SOX5: variants seen among roughly 807,000 people sequenced by gnomAD.
SOX5 encodes transcription factor SOX-5.
A neutral mutation model predicts 92.0 loss-of-function variants in SOX5; 9 were observed. That is an observed-to-expected ratio of 0.10 (90% CI 0.06 to 0.17). SOX5 has a LOEUF of 0.17. Ranked by LOEUF, SOX5 falls within the 10% of genes least tolerant of loss-of-function variation. The pLI is 1.00. For synonymous variants in SOX5, 344 were observed against 336.3 expected, an observed-to-expected ratio of 1.02 and a Z score of -0.25; for missense variants, 642 against 944.5, an observed-to-expected ratio of 0.68 and a Z score of 4.20.
chr12:24,267,036 T>C (rs956639336), intron 3 of SOX5, among the ~76,000 whole-genome samples: 1 of 152,178 alleles, frequency 6.6e-6, no homozygotes, highest in Non-Finnish European at 1.5e-5. Context: ...AATTGTAACG[T>C]TTTTCTAAAT....
At chr12:24,403,473 G>C (rs187286803) in intron 1 of SOX5, among the ~76,000 whole-genome samples, 1 of 152,140 alleles carries the variant, frequency 6.6e-6, no homozygotes, top group African/African-American at 2.4e-5. Context: ...ATACCAAAAA[G>C]CTAGTTTTGT....
intron 3 of SOX5, among the ~76,000 whole-genome samples, chr12:24,218,604 C>T (rs2139765827): frequency 6.6e-6 from 1 of 152,182 alleles, no homozygotes; most frequent in South Asian, 2.1e-4. Context: ...TTGACATGAA[C>T]ACTTGGAATG....
chr12:24,029,276 T>G (rs1955221982), intron 4 of SOX5, among the ~76,000 whole-genome samples: 1 of 151,914 alleles, frequency 6.6e-6, no homozygotes, highest in Non-Finnish European at 1.5e-5. Context: ...TTTTATTTAT[T>G]TATTACTTAT....
chr12:23,886,168 C>G (rs2097062105), intron 2 of SOX5, among the ~76,000 whole-genome samples: 1 of 151,988 alleles, frequency 6.6e-6, no homozygotes, highest in South Asian at 2.1e-4. Flanking sequence ...TTTAATATTT[C>G]TAATTTATCA....
chr12:24,053,578 TATAA>T (rs147707725), intron 4 of SOX5, among the ~76,000 whole-genome samples: 35 of 152,354 alleles, frequency 2.3e-4, no homozygotes, highest in Non-Finnish European at 1.8e-4. Context: ...ACCAAATCCC[TATAA>T]ATAGTGATTT....
intron 1 of SOX5, among the ~76,000 whole-genome samples, chr12:23,925,422 T>C (rs1004877498): frequency 1.3e-5 from 2 of 152,124 alleles, no homozygotes; most frequent in South Asian, 2.1e-4. Flanking sequence ...GTAATACTCC[T>C]GTCTTATACA....
chr12:23,944,741 CTT>C (rs943821777), intron 1 of SOX5, among the ~76,000 whole-genome samples: 6 of 152,056 alleles, frequency 3.9e-5, no homozygotes, highest in African/African-American at 1.4e-4. Flanking sequence ...GGAAGGAAGA[CTT>C]TGTTATGTTT....
At chr12:24,081,114 C>G (rs889354535) in intron 4 of SOX5, among the ~76,000 whole-genome samples, 2 of 151,902 alleles carry the variant, frequency 1.3e-5, no homozygotes, top group African/African-American at 4.8e-5. Context: ...CTCTCTTTAT[C>G]CTAAGCTGAG....
chr12:24,025,240 G>A (rs557536116), intron 4 of SOX5, among the ~76,000 whole-genome samples: 1 of 152,002 alleles, frequency 6.6e-6, no homozygotes, highest in East Asian at 1.9e-4. Flanking sequence ...AGTGAGAAAT[G>A]GAAAGATGGA....
upstream of SOX5, among the ~76,000 whole-genome samples, chr12:23,955,846 T>G (rs1040546618): frequency 6.6e-6 from 1 of 152,158 alleles, no homozygotes; most frequent in African/African-American, 2.4e-5. Context: ...TGCATTGTAA[T>G]TTTTCAACCT....
intron 6 of SOX5, among the ~76,000 whole-genome samples, chr12:23,698,920 G>A (rs374154893): frequency 6.6e-6 from 1 of 152,104 alleles, no homozygotes; most frequent in Non-Finnish European, 1.5e-5. Context: ...TACATGTTAC[G>A]AGTTCCTCCA....
At chr12:24,356,574 TGAG>T (rs1046913831) in intron 2 of SOX5, among the ~76,000 whole-genome samples, 2 of 152,164 alleles carry the variant, frequency 1.3e-5, no homozygotes, top group Non-Finnish European at 2.9e-5. Context: ...ACACAGATAT[TGAG>T]GAGATACTTC....
intron 6 of SOX5, among the ~76,000 whole-genome samples, chr12:23,668,391 T>C (rs1288565480): frequency 6.6e-6 from 1 of 152,148 alleles, no homozygotes; most frequent in South Asian, 2.1e-4. Context: ...ATAACACATA[T>C]AAACAATGAG....
At chr12:24,036,172 T>C (rs765411775) in intron 4 of SOX5, among the ~76,000 whole-genome samples, 1 of 152,110 alleles carries the variant, frequency 6.6e-6, no homozygotes, top group Non-Finnish European at 1.5e-5. Flanking sequence ...TACTGTAATA[T>C]AGAATGATGT....
chr12:23,754,019 A>G (rs2094279012), intron 4 of SOX5, among the ~76,000 whole-genome samples: 1 of 151,836 alleles, frequency 6.6e-6, no homozygotes, highest in Admixed American at 6.6e-5. Context: ...ACCAGAGGAC[A>G]ATAACCTAAC....
At chr12:24,105,849 AAAG>A (rs140584806) in intron 4 of SOX5, among the ~76,000 whole-genome samples, 6,762 of 152,272 alleles carry the variant, frequency 0.044, 169 homozygotes, top group Admixed American at 0.062. Context: ...AAAAGTACAG[AAAG>A]AAGCTTTGGT....
At chr12:24,363,304 T>C (rs1955804925) in intron 2 of SOX5, among the ~76,000 whole-genome samples, 1 of 152,182 alleles carries the variant, frequency 6.6e-6, no homozygotes, top group Non-Finnish European at 1.5e-5. Context: ...TAGTTTCGCC[T>C]TCCCCTCTGT....
At chr12:23,951,825 G>A (rs901145960), upstream of SOX5, among the ~76,000 whole-genome samples, 2 of 152,096 alleles carry the variant, frequency 1.3e-5, no homozygotes, top group South Asian at 2.1e-4. Flanking sequence ...AGTTGGGGAA[G>A]GGGGGAAGAA....
At chr12:23,690,759 A>C (rs751514628) in intron 6 of SOX5, among the ~76,000 whole-genome samples, 1 of 152,258 alleles carries the variant, frequency 6.6e-6, no homozygotes, top group South Asian at 2.1e-4. Context: ...CTAACAACTG[A>C]AGATTCACAT....
Sources: gnomAD v4.1 joint callset for allele counts (sites outside exome capture counted in the v4.1 genomes callset) on GRCh38, gnomAD v4.1.1 for gene constraint, MANE v1.5 for transcripts, NCBI Gene and HGNC (gene_info 2026-07-23, HGNC 2026-07-21) for gene names.